RFX7: variants seen among roughly 807,000 people sequenced by gnomAD.
RFX7 encodes the protein DNA-binding protein RFX7.
Under a neutral mutation model 111.8 loss-of-function variants are expected in RFX7, and 26 were observed. The observed-to-expected ratio is 0.23, with a 90% CI of 0.17 to 0.32. The LOEUF (loss-of-function observed/expected upper bound fraction) is 0.32, where lower values mean the gene tolerates loss of function less well. Ranked by LOEUF, RFX7 falls within the 10% of genes least tolerant of loss-of-function variation. The probability of loss-of-function intolerance (pLI) is 1.00; values close to 1 mark genes in which losing one functional copy is unlikely to be tolerated. For synonymous variants in RFX7, 624 were observed against 624.4 expected (o/e 1.00, Z 0.01); for missense variants, 1,573 against 1,772.9 (o/e 0.89, Z 2.02).
intron 5 of RFX7, among the ~76,000 whole-genome samples, chr15:56,114,924 T>G (rs1372376400): frequency 6.6e-6 from 1 of 152,234 alleles, no homozygotes; most frequent in Non-Finnish European, 1.5e-5. Flanking sequence ...AATTTGTGTC[T>G]TTACTTAATC....
At chr15:56,232,176 A>C (rs1306751364) in intron 2 of RFX7, among the ~76,000 whole-genome samples, 1 of 152,168 alleles carries the variant, frequency 6.6e-6, no homozygotes, top group East Asian at 1.9e-4. Context: ...TCTGCTAGGC[A>C]GTGCCCCAGT....
intron 2 of RFX7, among the ~76,000 whole-genome samples, chr15:56,222,554 G>T (rs1596019908): frequency 6.6e-6 from 1 of 151,904 alleles, no homozygotes; most frequent in Non-Finnish European, 1.5e-5. Context: ...TCTCTCTGTA[G>T]TTAACTTCAG....
Position 56,093,934 on chromosome 15 carries a change from A to T in RFX7, c.3794T>A (p.Val1265Glu). The T allele has an allele frequency of 6.2e-7, 1 of 1,614,016 alleles. No homozygotes were observed. Among genetic ancestry groups the T allele is most frequent in the Non-Finnish European group, 8.5e-7 (1 of 1,179,876 alleles). ...CAGGTTGTTCATTCCCAAACCTCTCACTGCATCATCATTGTCGGAATCAAG... is the reference window on the plus strand; with the variant it reads ...CAGGTTGTTCATTCCCAAACCTCTCTCTGCATCATCATTGTCGGAATCAAG... The part of the protein sequence containing the change: ...SKLDSDNDDA[V>E]RGLGMNNLPS... Residue 1265 changes from valine to glutamate, a missense_variant, in exon 10 of 10, where the codon GTG becomes GAG. This residue lies in a region of RFX7 where 411 missense variants were observed against 478.1 expected (regional missense o/e 0.86). Transcript: ENST00000559447.
At chr15:56,136,929 G>C (rs543161006) in intron 5 of RFX7, among the ~76,000 whole-genome samples, 1 of 148,660 alleles carries the variant, frequency 6.7e-6, no homozygotes, top group African/African-American at 2.5e-5. Context: ...TTATTGATTT[G>C]TGTATATTGA....
chr15:56,133,492 C>T (rs114329331), intron 5 of RFX7, among the ~76,000 whole-genome samples: 3,155 of 151,994 alleles, frequency 0.021, 112 homozygotes, highest in African/African-American at 0.072. Context: ...TTAATAACAC[C>T]ATTTCTTTCA....
intron 2 of RFX7, among the ~76,000 whole-genome samples, chr15:56,235,100 T>C (rs563383591): frequency 2.0e-5 from 3 of 151,584 alleles, no homozygotes; most frequent in East Asian, 3.9e-4. Flanking sequence ...AATAAGATAA[T>C]GGAAGCAAAG....
chr15:56,137,445 T>C (rs1443493793), intron 5 of RFX7, among the ~76,000 whole-genome samples: 11 of 152,230 alleles, frequency 7.2e-5, no homozygotes, highest in Non-Finnish European at 1.5e-4. Flanking sequence ...TGCATTTCTG[T>C]GGGATTGGTG....
In RFX7 at chr15:56,096,150, G is replaced by T; in HGVS notation, c.1578C>A (p.Ser526Arg). 1 of 1,613,916 alleles carries T rather than the reference G, an allele frequency of 6.2e-7. No homozygotes were observed. Among genetic ancestry groups the T allele is most frequent in the Admixed American group, 1.7e-5 (1 of 60,014 alleles). ...VVSLQSPGSR[S>R]SSAGGTSAVE... ...CAGCAGATGTTCCCCCCGCACTGCT[G>T]CTCCTGGACCCAGGAGACTGAAGCG... is the stretch of plus-strand genomic sequence containing the variant. Residue 526 changes from serine (S) to arginine (R), a missense_variant, in exon 10 of 10, where the codon AGC becomes AGA. Ser to Arg is a moderately radical substitution (Grantham distance 110, BLOSUM62 -1). This residue lies in a region of RFX7 where 625 missense variants were observed against 632.2 expected (regional missense o/e 0.99). Coordinates refer to ENST00000559447, the MANE Select transcript of RFX7 (RefSeq NM_022841.7).
At chr15:56,141,942 A>C (rs2042405303) in intron 5 of RFX7, among the ~76,000 whole-genome samples, 1 of 151,942 alleles carries the variant, frequency 6.6e-6, no homozygotes, top group Admixed American at 6.6e-5. Context: ...GTGAGGTAGT[A>C]AGAACTGTGA....
At chr15:56,196,565 C>T (rs1368889948) in intron 2 of RFX7, among the ~76,000 whole-genome samples, 2 of 151,966 alleles carry the variant, frequency 1.3e-5, no homozygotes, top group Non-Finnish European at 2.9e-5. Flanking sequence ...AGACCCCTCC[C>T]CAAATTTGTA....
chr15:56,107,295 T>C (rs1268268532), intron 5 of RFX7, among the ~76,000 whole-genome samples: 1 of 8,366 alleles, frequency 1.2e-4, no homozygotes, highest in Non-Finnish European at 1.9e-4. Flanking sequence ...AGACTCCGTC[T>C]CAAAAAAAAA....
chr15:56,134,656 A>C (rs1412156755), intron 5 of RFX7, among the ~76,000 whole-genome samples: 1 of 133,282 alleles, frequency 7.5e-6, no homozygotes, highest in Non-Finnish European at 1.5e-5. Context: ...TTTAGGGTAC[A>C]TGTGCACATT....
Position 56,094,899 on chromosome 15 carries a change from A to G in RFX7, c.2829T>C (p.Thr943=). 6.4e-7 allele frequency: 1 copy of G among 1,570,794 alleles called. No individual in the cohort carries two copies. Among genetic ancestry groups the G allele is most frequent in the Non-Finnish European group, 8.6e-7 (1 of 1,158,070 alleles). The change falls in exon 10 of 10, where the codon ACT becomes ACC. Residue 943 remains threonine (T), a synonymous_variant. Coordinates refer to ENST00000559447, the MANE Select transcript of RFX7 (RefSeq NM_022841.7). ...GTGTGGGTGTGGGTGTGTGGATTGG[A>G]GTGCCATTGCTGTGGATTGGATGAT... ...HFYHPIHSNG[T]PIHTPTPTPT... is the part of the protein sequence containing the mutation.
intron 5 of RFX7, among the ~76,000 whole-genome samples, chr15:56,103,985 T>A (rs1310612503): frequency 5.3e-5 from 8 of 152,212 alleles, no homozygotes; most frequent in Admixed American, 5.2e-4. Flanking sequence ...GCTCAGCCAG[T>A]AGGGCTGTAA....
chr15:56,103,302 C>T (rs905925821), intron 6 of RFX7, among the ~76,000 whole-genome samples: 16 of 152,090 alleles, frequency 1.1e-4, no homozygotes, highest in African/African-American at 3.9e-4. Flanking sequence ...CCATTAATAA[C>T]ACTTTACATT....
rs201968974 is a variant in RFX7 at position 56,096,209 on chromosome 15, T to A, written c.1519A>T (p.Ser507Cys). The change falls in exon 10 of 10, where the codon AGT becomes TGT. Residue 507 changes from serine (S) to cysteine (C), a missense_variant. Physicochemically the swap from Ser to Cys is moderately radical, Grantham distance 112. Around this residue, in one of 7 missense-constraint regions of RFX7, gnomAD observed 625 missense variants for 632.2 expected, o/e 0.99. Transcript: ENST00000559447. ...SATGTTEESRSVPQIKNGSVV... is the reference protein window; with the variant it reads ...SATGTTEESRCVPQIKNGSVV... ...GAACCATTCTTGATCTGTGGAACAC[T>A]CCTTGATTCTTCTGTTGTTCCTGTA... The A allele has an allele frequency of 6.2e-7, 1 of 1,613,924 alleles. No homozygotes were observed. Among genetic ancestry groups the A allele is most frequent in the Non-Finnish European group, 8.5e-7 (1 of 1,179,870 alleles).
intron 5 of RFX7, among the ~76,000 whole-genome samples, chr15:56,111,495 G>C (rs1175219321): frequency 6.6e-6 from 1 of 151,218 alleles, no homozygotes; most frequent in Non-Finnish European, 1.5e-5. Flanking sequence ...CAAGTACCCA[G>C]GGACACAAAC....
intron 5 of RFX7, among the ~76,000 whole-genome samples, chr15:56,129,093 G>C (rs750823093): frequency 6.6e-6 from 1 of 152,048 alleles, no homozygotes; most frequent in Non-Finnish European, 1.5e-5. Context: ...GTTAAAAACA[G>C]GACCAGGCAC....
At chr15:56,126,755 C>A (rs916267569) in intron 5 of RFX7, among the ~76,000 whole-genome samples, 1 of 151,874 alleles carries the variant, frequency 6.6e-6, no homozygotes, top group Non-Finnish European at 1.5e-5. Context: ...AACTGGAGGG[C>A]TGTACTAATA....
Sources: gnomAD v4.1 joint callset for allele counts (sites outside exome capture counted in the v4.1 genomes callset) on GRCh38, gnomAD v4.1.1 for gene constraint, gnomAD v4.1.1 regional missense constraint, MANE v1.5 for transcripts, NCBI Gene and HGNC (gene_info 2026-07-23, HGNC 2026-07-21) for gene names.